The following PPP1R1C variants were observed in gnomAD, a reference collection of about 807,000 sequenced individuals.
PPP1R1C encodes the protein protein phosphatase 1 regulatory inhibitor subunit 1C, also known as protein phosphatase 1 regulatory subunit 1C.
A neutral mutation model predicts 17.4 loss-of-function variants in PPP1R1C; 15 were observed. The observed-to-expected ratio is 0.86, with a 90% confidence interval of 0.58 to 1.33. The LOEUF (loss-of-function observed/expected upper bound fraction) is 1.33, where lower values mean the gene tolerates loss of function less well. PPP1R1C is among the 40% of genes most tolerant of loss of function. PPP1R1C has a pLI of 0.00. For synonymous variants in PPP1R1C, 35 were observed against 43.1 expected (o/e 0.81, Z 0.73); for missense variants, 143 against 130.0 (o/e 1.10, Z -0.48).
At chr2:182,115,682 T>C (rs1689559451) in intron 4 of PPP1R1C, among the ~76,000 whole-genome samples, 1 of 152,176 alleles carries the variant, frequency 6.6e-6, no homozygotes, top group Non-Finnish European at 1.5e-5. Context: ...CAAGAAGAAT[T>C]GTGAGTAATG....
chr2:182,059,944 A>T (rs1574418865), intron 2 of PPP1R1C, among the ~76,000 whole-genome samples: 2 of 152,094 alleles, frequency 1.3e-5, no homozygotes, highest in African/African-American at 4.8e-5. Flanking sequence ...ATATTAAGGA[A>T]CCCCACTGGC....
In PPP1R1C at chr2:181,959,171, T is replaced by C. The variant is rs1287398605; in HGVS notation, n.111+4537T>C. 2.0e-5 allele frequency among the ~76,000 whole-genome samples: 3 copies of C among 152,258 alleles called. No homozygotes were observed. The East Asian group carries it at 5.8e-4, about 29-fold the overall frequency. The stretch of plus-strand genomic sequence containing the variant: ...CTCAGTCTGTAAATTTTAGTCATTC[T>C]AAATGCATAGCTTGTTTTTTAAACT... On this transcript the variant is annotated intron_variant and non_coding_transcript_variant, in intron 1 of 5. Coordinates refer to the PPP1R1C transcript ENST00000464264.
chr2:181,995,447 A>G (rs890849094), intron 2 of PPP1R1C, among the ~76,000 whole-genome samples: 4 of 152,242 alleles, frequency 2.6e-5, no homozygotes, highest in African/African-American at 4.8e-5. Flanking sequence ...TGTGTCATCA[A>G]AATACATGTG....
rs372816493 is a variant in PPP1R1C at position 181,986,195 on chromosome 2, T to C, written c.81+4T>C. On this transcript the variant is annotated splice_donor_region_variant and intron_variant, in intron 1 of 4. Transcript: ENST00000682840. ...TGCACCTGAAGCAGCAGAGCAGGTA[T>C]GTGAAATTGCATGGAGAACCATTCC... The C allele has an allele frequency of 2.3e-5, 37 of 1,606,274 alleles. No homozygotes were observed. In the African/African-American group the frequency reaches 4.5e-4, roughly 20 times the overall value.
At chr2:182,105,692 A>T (rs1288712513) in intron 4 of PPP1R1C, among the ~76,000 whole-genome samples, 3 of 152,208 alleles carry the variant, frequency 2.0e-5, no homozygotes, top group Non-Finnish European at 2.9e-5. Context: ...AAGATTTGAT[A>T]TAGTCTGATA....
chr2:182,062,295 T>C (rs1368321246), intron 3 of PPP1R1C, among the ~76,000 whole-genome samples: 1 of 152,110 alleles, frequency 6.6e-6, no homozygotes, highest in Non-Finnish European at 1.5e-5. Flanking sequence ...ACTAAACTCT[T>C]ACATAAATAT....
chr2:182,077,612 A>T (rs753495839), intron 4 of PPP1R1C, among the ~76,000 whole-genome samples: 1 of 152,146 alleles, frequency 6.6e-6, no homozygotes, highest in Non-Finnish European at 1.5e-5. Flanking sequence ...AGCAGATCCC[A>T]TGGAGCCACT....
chr2:182,086,696 G>T (rs1688638550), intron 4 of PPP1R1C, among the ~76,000 whole-genome samples: 1 of 152,130 alleles, frequency 6.6e-6, no homozygotes, highest in Admixed American at 6.5e-5. Context: ...TTTACACCAA[G>T]ATAGGAACTT....
chr2:181,997,416 G>T (rs1228607198), intron 2 of PPP1R1C, among the ~76,000 whole-genome samples: 1 of 152,084 alleles, frequency 6.6e-6, no homozygotes, highest in Non-Finnish European at 1.5e-5. Context: ...GCCTGAACCT[G>T]CCAAAGTGTC....
In PPP1R1C at chr2:182,117,216, A is replaced by G. The variant is rs1689611080; in HGVS notation, c.251A>G (p.His84Arg). 1.3e-6 allele frequency: 2 copies of G among 1,552,314 alleles called. No individual in the cohort carries two copies. Among genetic ancestry groups the G allele is most frequent in the Non-Finnish European group, 1.7e-6 (2 of 1,146,724 alleles). The change falls in exon 5 of 5, where the codon CAT (histidine) becomes CGT (arginine). Residue 84 changes from histidine (H) to arginine (R), a missense_variant. His to Arg is a conservative substitution (Grantham distance 29). Transcript: ENST00000682840. ...ATTTTTATAATTTCAGGGGTTAAGC[A>G]TCTGAAAGGCCAGAATGAATCAGCA... ...YTPPTIKGVK[H>R]LKGQNESAFP...
intron 4 of PPP1R1C, among the ~76,000 whole-genome samples, chr2:182,096,691 G>A (rs1471394945): frequency 2.0e-5 from 3 of 152,058 alleles, no homozygotes; most frequent in Non-Finnish European, 4.4e-5. Context: ...TGATTAACAT[G>A]GCTGGTTCCT....
chr2:182,022,350 A>G (rs1009078977), intron 2 of PPP1R1C, among the ~76,000 whole-genome samples: 9 of 152,360 alleles, frequency 5.9e-5, no homozygotes, highest in African/African-American at 1.9e-4. Flanking sequence ...GGTATAGACA[A>G]TTTAATAAAG....
chr2:182,070,384 T>C (rs1688107045), intron 4 of PPP1R1C, among the ~76,000 whole-genome samples: 1 of 152,268 alleles, frequency 6.6e-6, no homozygotes, highest in African/African-American at 2.4e-5. Flanking sequence ...AATGGGACTA[T>C]GTAGATAATA....
At chr2:182,010,270 C>T (rs1043812266) in intron 2 of PPP1R1C, among the ~76,000 whole-genome samples, 1 of 151,796 alleles carries the variant, frequency 6.6e-6, no homozygotes, top group Non-Finnish European at 1.5e-5. Context: ...AATATTTTTG[C>T]ATTTTTTTGT....
chr2:182,063,630 C>T, intron 3 of PPP1R1C, 101 bp from the exon 4 acceptor site: 4 of 890,600 alleles, frequency 4.5e-6, no homozygotes, highest in Non-Finnish European at 7.5e-6. Context: ...AATCAGAAAG[C>T]TTTTCATAAC....
At chr2:182,057,040 A>G (rs751546221) in intron 2 of PPP1R1C, among the ~76,000 whole-genome samples, 51 of 152,246 alleles carry the variant, frequency 3.3e-4, no homozygotes, top group Non-Finnish European at 7.1e-4. Flanking sequence ...AGCACCTACT[A>G]TGAGCAAATA....
chr2:182,019,614 T>C (rs1336611968), intron 2 of PPP1R1C, among the ~76,000 whole-genome samples: 12 of 152,190 alleles, frequency 7.9e-5, no homozygotes, highest in Admixed American at 7.9e-4. Context: ...TTTTTACTTA[T>C]AGCTCTTTTC....
chr2:182,057,966 A>G (rs1687738028), intron 2 of PPP1R1C, among the ~76,000 whole-genome samples: 1 of 152,108 alleles, frequency 6.6e-6, no homozygotes, highest in Non-Finnish European at 1.5e-5. Context: ...TTACGGAAAA[A>G]TTGAACGAAG....
At chr2:181,992,105 T>C (rs1175829778) in intron 2 of PPP1R1C, among the ~76,000 whole-genome samples, 2 of 152,194 alleles carry the variant, frequency 1.3e-5, no homozygotes, top group Admixed American at 6.5e-5. Flanking sequence ...CACATCTTCA[T>C]GACAGACATA....
Sources: gnomAD v4.1 joint callset for allele counts (sites outside exome capture counted in the v4.1 genomes callset) on GRCh38, gnomAD v4.1.1 for gene constraint, MANE v1.5 for transcripts, NCBI Gene and HGNC (gene_info 2026-07-23, HGNC 2026-07-21) for gene names.